The following TRRAP variants were observed in gnomAD, a reference collection of about 807,000 sequenced individuals.
TRRAP encodes transformation/transcription domain associated protein.
A neutral mutation model predicts 438.8 loss-of-function variants in TRRAP; 41 were observed. The observed-to-expected ratio is 0.09, with a 90% CI of 0.07 to 0.12. TRRAP has a LOEUF of 0.12. Ranked by LOEUF, TRRAP falls within the 10% of genes least tolerant of loss-of-function variation. The pLI is 1.00. For synonymous variants in TRRAP, 1,994 were observed against 1,962.9 expected (o/e 1.02, Z -0.42); for missense variants, 3,122 against 5,055.1 (o/e 0.62, Z 11.60).
chr7:98,884,437 G>T (rs1795598501), intron 3 of TRRAP, among the ~76,000 whole-genome samples: 1 of 151,926 alleles, frequency 6.6e-6, no homozygotes, highest in Non-Finnish European at 1.5e-5. Flanking sequence ...GTTTCGCCTT[G>T]TTGCCCAGGC....
rs1245125487 is a variant in TRRAP, at chr7:99,005,994, A to G, written c.10753+646A>G. On this transcript the variant is annotated intron_variant, in intron 69 of 72. Transcript: ENST00000456197. This position sits in a 1 kb window ranked among gnomAD's most constrained non-coding sequence, Gnocchi z 5.1. Reference sequence around the variant, plus strand: ...CGCCTCTAGCTGCTTCACACGCTGCACTCTGGGCCCTCCCTGAATTTCATT... The same window carrying G: ...CGCCTCTAGCTGCTTCACACGCTGCGCTCTGGGCCCTCCCTGAATTTCATT... Among the ~76,000 whole-genome samples, 1 of 152,110 alleles carries G rather than the reference A, an allele frequency of 6.6e-6. No individual in the cohort carries two copies. Among genetic ancestry groups the G allele is most frequent in the Non-Finnish European group, 1.5e-5 (1 of 68,006 alleles).
At chr7:98,900,189 A>G (rs1404484565) in intron 10 of TRRAP, among the ~76,000 whole-genome samples, 3 of 149,380 alleles carry the variant, frequency 2.0e-5, no homozygotes, top group East Asian at 4.0e-4. Context: ...CCTTTTCTCA[A>G]ACCTAAGGAC....
chr7:98,995,376 C>T (rs952375003), intron 67 of TRRAP, among the ~76,000 whole-genome samples: 4 of 146,812 alleles, frequency 2.7e-5, no homozygotes, highest in Admixed American at 1.4e-4. Flanking sequence ...GGTCTGGGTG[C>T]GCCGGTGGGA....
chr7:99,000,966 T>C (rs923596785), intron 67 of TRRAP, among the ~76,000 whole-genome samples: 2 of 152,270 alleles, frequency 1.3e-5, no homozygotes, highest in Admixed American at 1.3e-4. Flanking sequence ...CCACGTTCTT[T>C]CTTCACTGAT....
intron 39 of TRRAP, among the ~76,000 whole-genome samples, chr7:98,952,583 T>C (rs1791389962): frequency 6.6e-6 from 1 of 152,206 alleles, no homozygotes; most frequent in Non-Finnish European, 1.5e-5. Context: ...TCAATCAATT[T>C]AGAAATTTAT....
rs1174958328 is a variant in TRRAP at position 98,948,409 on chromosome 7, C to T, written c.4668+69C>T. 1.5e-5 allele frequency: 24 copies of T among 1,610,710 alleles called. No individual in the cohort carries two copies. In the East Asian group the frequency reaches 2.5e-4, roughly 16 times the overall value. On this transcript the variant is annotated intron_variant, in intron 34 of 72. Coordinates refer to ENST00000456197, the MANE Select transcript of TRRAP (RefSeq NM_001375524.1). This position sits in a 1 kb window ranked among gnomAD's most constrained non-coding sequence, Gnocchi z 4.9. ...GGTGCTTATAGCGTCCTCACTTGATCGTATTTTCAATGGACGGAACAGCAT... is the reference window on the plus strand; with the variant it reads ...GGTGCTTATAGCGTCCTCACTTGATTGTATTTTCAATGGACGGAACAGCAT...
chr7:98,988,739 C>G (rs373872316), intron 62 of TRRAP, 26 bp from the exon 63 acceptor site: 1 of 1,609,384 alleles, frequency 6.2e-7, no homozygotes, highest in South Asian at 1.1e-5. Flanking sequence ...AAACCATACA[C>G]GTTTTGGTTT....
chr7:98,892,551 T>C (rs782104013), intron 5 of TRRAP, 23 bp downstream of exon 5: 1 of 1,554,758 alleles, frequency 6.4e-7, no homozygotes, highest in East Asian at 2.2e-5. Flanking sequence ...AATTAATTCT[T>C]GTCGTATAGC....
chr7:98,906,850 T>C (rs1796787174), intron 13 of TRRAP, among the ~76,000 whole-genome samples: 1 of 152,208 alleles, frequency 6.6e-6, no homozygotes, highest in Admixed American at 6.5e-5. Context: ...GACTTTATTA[T>C]TGTTTTTTGC....
chr7:98,945,820 A>C lies in TRRAP; in HGVS notation c.4527+20A>C. The C allele has an allele frequency of 6.3e-7, 1 of 1,596,556 alleles. No individual in the cohort carries two copies. Among genetic ancestry groups the C allele is most frequent in the Non-Finnish European group, 8.5e-7 (1 of 1,179,214 alleles). ...TTTGAGGTGAGAACAACCTATTAAC[A>C]GTCAGTTTCTGACTTGCAATGTGAA... On this transcript the variant is annotated intron_variant, in intron 32 of 72. Transcript: ENST00000456197.
In TRRAP at chr7:98,881,072, C is replaced by G. The variant is rs74576413; in HGVS notation, c.-61-18C>G. The G allele has an allele frequency of 4.0e-6, 5 of 1,264,836 alleles. No individual in the cohort carries two copies. The highest frequency in any genetic ancestry group is 5.5e-6 in the Non-Finnish European group (5 of 906,438). 78.4% of individuals were successfully genotyped at this position (1,264,836 alleles called of 1,614,324 possible). A position where few individuals can be genotyped will look rare whatever the true frequency, so the allele number is the denominator to read the frequency against. ...TGTGCCCTCCATAAATTGACTAACTCTATGCTTCTTTTCATAGGCTGGTTG... is the reference window on the plus strand; with the variant it reads ...TGTGCCCTCCATAAATTGACTAACTGTATGCTTCTTTTCATAGGCTGGTTG... On this transcript the variant is annotated intron_variant, in intron 1 of 72. Transcript: ENST00000456197.
At chr7:98,924,688 CAA>C (rs34211183) in intron 21 of TRRAP, among the ~76,000 whole-genome samples, 8,063 of 95,278 alleles carry the variant, frequency 0.085, 935 homozygotes, top group African/African-American at 0.28. Context: ...GACTCCGTCT[CAA>C]AAAAAAAAAA....
At chr7:98,884,129 T>G (rs1221606722) in intron 3 of TRRAP, among the ~76,000 whole-genome samples, 3 of 152,140 alleles carry the variant, frequency 2.0e-5, no homozygotes, top group Non-Finnish European at 2.9e-5. Context: ...ATGCGTGAGG[T>G]CTGGGAGGTT....
At chr7:99,006,398 A>G (rs754241808) in intron 69 of TRRAP, among the ~76,000 whole-genome samples, 4 of 152,234 alleles carry the variant, frequency 2.6e-5, no homozygotes, top group Non-Finnish European at 5.9e-5. Flanking sequence ...CTCAAAATGC[A>G]TCACAGAAAG....
At chr7:99,002,519 T>G (rs953906479) in intron 67 of TRRAP, among the ~76,000 whole-genome samples, 1 of 152,196 alleles carries the variant, frequency 6.6e-6, no homozygotes, top group Non-Finnish European at 1.5e-5. Flanking sequence ...AGCACGTTCT[T>G]GGTCCAGCGT....
At chr7:98,910,730 C>T in intron 16 of TRRAP, 123 bp downstream of exon 16, 2 of 791,668 alleles carry the variant, frequency 2.5e-6, no homozygotes, top group South Asian at 1.9e-5. Context: ...ATTTGTATAC[C>T]CAGATGTGTT....
intron 52 of TRRAP, 147 bp from the exon 53 acceptor site, chr7:98,971,652 A>G (rs1792425233): frequency 1.0e-6 from 1 of 967,284 alleles, no homozygotes; most frequent in African/African-American, 1.6e-5. Context: ...TTATTTTAGG[A>G]TTGAAGATTA....
Position 98,983,873 on chromosome 7 carries a change from T to G in TRRAP, c.9023-220T>G, listed in dbSNP as rs1327500993. On this transcript the variant is annotated intron_variant, in intron 60 of 72. Transcript: ENST00000456197. Reference sequence around the variant, plus strand: ...ACGTGTTTAGAGCAGCCTTTGTCATTTTATGATTTGGTTAGCCAAGATGGT... The same window carrying G: ...ACGTGTTTAGAGCAGCCTTTGTCATGTTATGATTTGGTTAGCCAAGATGGT... Among the ~76,000 whole-genome samples, 3 of 152,118 alleles carry G rather than the reference T, an allele frequency of 2.0e-5. No homozygotes were observed. The East Asian group carries it at 5.8e-4, about 29-fold the overall frequency.
At chr7:98,912,619 T>C (rs1789323671) in intron 18 of TRRAP, among the ~76,000 whole-genome samples, 1 of 152,136 alleles carries the variant, frequency 6.6e-6, no homozygotes, top group East Asian at 1.9e-4. Flanking sequence ...CACCACTGAT[T>C]TTCTTTTTTA....
Sources: gnomAD v4.1 joint callset for allele counts (sites outside exome capture counted in the v4.1 genomes callset) on GRCh38, gnomAD v4.1.1 for gene constraint, Gnocchi (gnomAD v3.1) non-coding constraint, MANE v1.5 for transcripts, NCBI Gene and HGNC (gene_info 2026-07-23, HGNC 2026-07-21) for gene names.